Variants in RIMBP2 observed in about 807,000 individuals in gnomAD.
RIMBP2 encodes RIMS binding protein 2.
Under a neutral mutation model 118.6 loss-of-function variants are expected in RIMBP2, and 48 were observed. That is an observed-to-expected ratio of 0.40 (90% CI 0.32 to 0.51). RIMBP2 has a LOEUF of 0.51. RIMBP2 is among the 20% of genes least tolerant of loss of function. RIMBP2 has a pLI of 0.41. For missense variants in RIMBP2, 1,551 were observed against 1,768.3 expected (o/e 0.88, Z 2.20); for synonymous variants, 762 against 742.9 (o/e 1.03, Z -0.42).
At chr12:130,650,453 A>C (rs1052622489) in intron 1 of RIMBP2, among the ~76,000 whole-genome samples, 21 of 152,212 alleles carry the variant, frequency 1.4e-4, no homozygotes, top group African/African-American at 4.8e-4. Flanking sequence ...TTCTCACAAC[A>C]CTTGTTTTCT....
intron 1 of RIMBP2, among the ~76,000 whole-genome samples, chr12:130,655,101 T>C (rs1196046735): frequency 6.6e-6 from 1 of 151,956 alleles, no homozygotes; most frequent in Non-Finnish European, 1.5e-5. Flanking sequence ...AACCCAGCAA[T>C]CTGGATGCAG....
intron 19 of RIMBP2, among the ~76,000 whole-genome samples, chr12:130,411,848 G>GTGAT (rs34874023): frequency 0.46 from 69,771 of 151,716 alleles, 16,317 homozygotes; most frequent in African/African-American, 0.55. Flanking sequence ...TTTTGATTTT[G>GTGAT]TGATTATCCT....
chr12:130,460,165 AT>A (rs1271571234), intron 6 of RIMBP2, among the ~76,000 whole-genome samples: 1 of 152,162 alleles, frequency 6.6e-6, no homozygotes, highest in African/African-American at 2.4e-5. Flanking sequence ...CCGCTGTGTC[AT>A]CACAGGCCTG....
Position 130,634,431 on chromosome 12 carries a change from G to A in RIMBP2, c.-351-5975C>T, listed in dbSNP as rs143715479. ...CACACACTCCTCATCAAAGCCCTTGGAGCAAATGAACAATTAGCCTCAGGC... is the reference window on the plus strand; with the variant it reads ...CACACACTCCTCATCAAAGCCCTTGAAGCAAATGAACAATTAGCCTCAGGC... On this transcript the variant is annotated intron_variant, in intron 1 of 22. Coordinates refer to ENST00000690449, the MANE Select transcript of RIMBP2 (RefSeq NM_001393629.1). Among the ~76,000 whole-genome samples, 16 of 152,168 alleles carry A rather than the reference G, an allele frequency of 1.1e-4. No individual in the cohort carries two copies. The East Asian group carries it at 1.9e-3, about 18-fold the overall frequency.
In RIMBP2 at chr12:130,447,181, G is replaced by A. The variant is rs757514718; in HGVS notation, c.582-1912C>T. On this transcript the variant is annotated intron_variant, in intron 9 of 22. Coordinates refer to ENST00000690449, the MANE Select transcript of RIMBP2 (RefSeq NM_001393629.1). This position sits in a 1 kb window ranked among gnomAD's most constrained non-coding sequence, Gnocchi z 4.4. ...GAAGAGAAGCTTCCCCAGGGAGCAGGTAGGGAAGACACACCCTGAGAGCTT... is the reference window on the plus strand; with the variant it reads ...GAAGAGAAGCTTCCCCAGGGAGCAGATAGGGAAGACACACCCTGAGAGCTT... Among the ~76,000 whole-genome samples the A allele has an allele frequency of 2.0e-5, 3 of 152,048 alleles. No homozygotes were observed. The highest frequency in any genetic ancestry group is 4.4e-5 in the Non-Finnish European group (3 of 68,002).
intron 1 of RIMBP2, among the ~76,000 whole-genome samples, chr12:130,634,895 G>A (rs972111653): frequency 2.0e-5 from 3 of 151,998 alleles, no homozygotes; most frequent in African/African-American, 4.8e-5. Context: ...CACCACACCC[G>A]GCTGACTCCA....
chr12:130,632,534 T>C (rs1162056683), intron 1 of RIMBP2, among the ~76,000 whole-genome samples: 1 of 152,184 alleles, frequency 6.6e-6, no homozygotes. Context: ...CTTCCTGGGC[T>C]GCCGGGATGT....
rs772275549 is a variant in RIMBP2, at chr12:130,441,401, A to AAATAATAATAATCAT, written c.1504+446_1504+447insATGATTATTATTATT. Among the ~76,000 whole-genome samples, 947 of 122,882 alleles carry AAATAATAATAATCAT rather than the reference A, an allele frequency of 7.7e-3. 8 individuals are homozygous for AAATAATAATAATCAT. The highest frequency in any genetic ancestry group is 0.018 in the East Asian group (64 of 3,624). The allele number at this position is 122,882 out of a possible 152,430, so 80.6% of individuals were successfully genotyped here. On this transcript the variant is annotated intron_variant, in intron 11 of 22. Coordinates refer to ENST00000690449, the MANE Select transcript of RIMBP2 (RefSeq NM_001393629.1). Reference sequence around the variant, plus strand: ...GGGTGACAGAGCGAGACTCCATCTCAAATAATAATAATAATAATAATAATA... The same window carrying AAATAATAATAATCAT: ...GGGTGACAGAGCGAGACTCCATCTCAAATAATAATAATCATAATAATAATAATAATAATAATAATA...
intron 2 of RIMBP2, among the ~76,000 whole-genome samples, chr12:130,558,279 A>G (rs1246540496): frequency 1.3e-5 from 2 of 152,080 alleles, no homozygotes; most frequent in East Asian, 3.9e-4. Flanking sequence ...CACCCTAACA[A>G]TTAGAAGGCA....
intron 2 of RIMBP2, among the ~76,000 whole-genome samples, chr12:130,541,393 T>C (rs1429741017): frequency 6.6e-6 from 1 of 152,204 alleles, no homozygotes; most frequent in East Asian, 1.9e-4. Flanking sequence ...AGTCTGATGC[T>C]GAGGCATTTT....
At chr12:130,575,670 A>C (rs959809711) in intron 2 of RIMBP2, among the ~76,000 whole-genome samples, 2 of 152,226 alleles carry the variant, frequency 1.3e-5, no homozygotes, top group Admixed American at 6.5e-5. Context: ...CATAGATGCA[A>C]CATGCTAAGT....
intron 2 of RIMBP2, among the ~76,000 whole-genome samples, chr12:130,551,183 A>G (rs2055743816): frequency 6.6e-6 from 1 of 152,274 alleles, no homozygotes; most frequent in African/African-American, 2.4e-5. Context: ...GGGTGACTCC[A>G]GCAAGAGCCC....
At chr12:130,667,131 GAGA>G (rs2063980255) in intron 1 of RIMBP2, among the ~76,000 whole-genome samples, 2 of 62,586 alleles carry the variant, frequency 3.2e-5, no homozygotes, top group African/African-American at 5.6e-5. Context: ...GGGAAGGAAG[GAGA>G]GAGGGAGGGA....
intron 6 of RIMBP2, among the ~76,000 whole-genome samples, chr12:130,460,611 A>T (rs2079890878): frequency 6.6e-6 from 1 of 152,164 alleles, no homozygotes; most frequent in Non-Finnish European, 1.5e-5. Flanking sequence ...TATCATTATT[A>T]CTACCTGCAA....
At chr12:130,443,026 C>T (rs183656901) in intron 10 of RIMBP2, among the ~76,000 whole-genome samples, 1 of 152,188 alleles carries the variant, frequency 6.6e-6, no homozygotes, top group Non-Finnish European at 1.5e-5. Context: ...TGGCCCACAA[C>T]AGTGCACAGG....
intron 2 of RIMBP2, among the ~76,000 whole-genome samples, chr12:130,556,451 T>C (rs1191016675): frequency 6.6e-6 from 1 of 152,250 alleles, no homozygotes; most frequent in African/African-American, 2.4e-5. Flanking sequence ...TGGAAACAGA[T>C]AGAACCTCCA....
At chr12:130,432,174 C>A in intron 14 of RIMBP2, 1 of 455,576 alleles carries the variant, frequency 2.2e-6, no homozygotes, top group South Asian at 1.6e-5. Context: ...ATGATTCACT[C>A]CTGGATAGGT....
At chr12:130,529,590 T>A (rs1445545817) in intron 2 of RIMBP2, among the ~76,000 whole-genome samples, 2 of 152,188 alleles carry the variant, frequency 1.3e-5, no homozygotes. Context: ...ACTGAATTGT[T>A]CACTATAAAT....
intron 1 of RIMBP2, among the ~76,000 whole-genome samples, chr12:130,664,531 A>G (rs1462027968): frequency 6.6e-6 from 1 of 151,508 alleles, no homozygotes; most frequent in Non-Finnish European, 1.5e-5. Flanking sequence ...CCTGGAGGTC[A>G]TGACACCTCG....
Sources: allele counts gnomAD v4.1 joint callset (sites outside exome capture counted in the v4.1 genomes callset), GRCh38; gene constraint gnomAD v4.1.1; non-coding constraint Gnocchi (gnomAD v3.1); transcripts MANE v1.5; gene names NCBI Gene and HGNC (gene_info 2026-07-23, HGNC 2026-07-21).